Variants in RIMBP2 observed in about 807,000 individuals in gnomAD.
RIMBP2 encodes the protein RIMS-binding protein 2.
A neutral mutation model predicts 118.6 loss-of-function variants in RIMBP2; 48 were observed. That is an observed-to-expected ratio of 0.40 (90% CI 0.32 to 0.51). RIMBP2 has a LOEUF of 0.51. RIMBP2 is among the 20% of genes least tolerant of loss of function. The pLI is 0.41. For missense variants in RIMBP2, 1,551 were observed against 1,768.3 expected (o/e 0.88, Z 2.20); for synonymous variants, 762 against 742.9 (o/e 1.03, Z -0.42).
At chr12:130,586,539 C>T (rs1479346210) in intron 2 of RIMBP2, among the ~76,000 whole-genome samples, 1 of 152,056 alleles carries the variant, frequency 6.6e-6, no homozygotes, top group Admixed American at 6.6e-5. Flanking sequence ...CTACAACCAT[C>T]TGATCTTTGA....
chr12:130,441,007 G>C (rs979743567), intron 11 of RIMBP2, among the ~76,000 whole-genome samples: 1 of 152,158 alleles, frequency 6.6e-6, no homozygotes, highest in Non-Finnish European at 1.5e-5. Flanking sequence ...GGAAAGGAAG[G>C]GGGCACATCA....
Position 130,611,786 on chromosome 12 carries a change from C to T in RIMBP2, c.-217+16536G>A, listed in dbSNP as rs140437221. Among the ~76,000 whole-genome samples, 552 of 152,270 alleles carry T rather than the reference C, an allele frequency of 3.6e-3. 3 individuals are homozygous for T. Among genetic ancestry groups the T allele is most frequent in the Middle Eastern group, 6.8e-3 (2 of 292 alleles). On this transcript the variant is annotated intron_variant, in intron 2 of 22. Coordinates refer to ENST00000690449, the MANE Select transcript of RIMBP2 (RefSeq NM_001393629.1). ...CAGCTCAGGCCCGGCAAGCAGGACA[C>T]GGAACCCATGTCGACCCATGAAACC...
At chr12:130,507,595 C>T (rs149811091) in intron 3 of RIMBP2, among the ~76,000 whole-genome samples, 1 of 152,324 alleles carries the variant, frequency 6.6e-6, no homozygotes, top group Non-Finnish European at 1.5e-5. Flanking sequence ...CATTCTCAGG[C>T]CACAACCCCC....
chr12:130,539,876 A>C lies in RIMBP2; in HGVS notation c.-216-21959T>G, dbSNP rs376794501. ...AGGTGTAGGATATGGCAAATGCAGT[A>C]GATGAGGTGGCGAGGTGTAGGCTAT... On this transcript the variant is annotated intron_variant, in intron 2 of 22. Transcript: ENST00000690449. Among the ~76,000 whole-genome samples the C allele has an allele frequency of 5.1e-4, 59 of 115,208 alleles. 3 individuals are homozygous for C. The highest frequency in any genetic ancestry group is 7.0e-4 in the Non-Finnish European group (40 of 56,752). The allele number at this position is 115,208 out of a possible 152,430, so 75.6% of individuals were successfully genotyped here.
rs1032887422 is a variant in RIMBP2, at chr12:130,422,881, A to AC, written c.3130-321dup. Among the ~76,000 whole-genome samples, 5 of 151,180 alleles carry AC rather than the reference A, an allele frequency of 3.3e-5. No individual in the cohort carries two copies. The highest frequency in any genetic ancestry group is 1.2e-4 in the African/African-American group (5 of 41,076). ...AGAGACAATGGCTTGAATACATCCC[A>AC]CCCCGCCTTGGCTCCTTGGAGCACC... On this transcript the variant is annotated intron_variant, in intron 16 of 22. Coordinates refer to ENST00000690449, the MANE Select transcript of RIMBP2 (RefSeq NM_001393629.1). The surrounding 1 kb of genome is among the most constrained non-coding windows in gnomAD (Gnocchi z 5.2).
At chr12:130,494,309 C>T (rs2048928435) in intron 4 of RIMBP2, among the ~76,000 whole-genome samples, 1 of 152,134 alleles carries the variant, frequency 6.6e-6, no homozygotes. Context: ...CTGCCCCCGC[C>T]TCCACAGTCT....
At chr12:130,584,171 C>G (rs2058679447) in intron 2 of RIMBP2, among the ~76,000 whole-genome samples, 1 of 149,020 alleles carries the variant, frequency 6.7e-6, no homozygotes, top group Non-Finnish European at 1.5e-5. Context: ...TCACCACAAT[C>G]ACATCACCAC....
chr12:130,673,824 C>G (rs1351294600), intron 1 of RIMBP2, among the ~76,000 whole-genome samples: 1 of 152,054 alleles, frequency 6.6e-6, no homozygotes, highest in African/African-American at 2.4e-5. Context: ...GTGTGTAGCA[C>G]TGGGCCAGGC....
intron 1 of RIMBP2, among the ~76,000 whole-genome samples, chr12:130,644,022 G>A (rs1201582436): frequency 2.0e-5 from 3 of 152,192 alleles, no homozygotes; most frequent in Non-Finnish European, 4.4e-5. Flanking sequence ...CACAGCACAT[G>A]CAAAGGCCCT....
rs530951030 is a variant in RIMBP2, at chr12:130,533,301, G to A, written c.-216-15384C>T. On this transcript the variant is annotated intron_variant, in intron 2 of 22. Transcript: ENST00000690449. Reference sequence around the variant, plus strand: ...ACATACAAATGGCCAGCAGGTATACGAAAAAATGCCCATCATCACTAATCA... The same window carrying A: ...ACATACAAATGGCCAGCAGGTATACAAAAAAATGCCCATCATCACTAATCA... Among the ~76,000 whole-genome samples, 3 of 152,240 alleles carry A rather than the reference G, an allele frequency of 2.0e-5. No homozygotes were observed. In the South Asian group the frequency reaches 6.2e-4, roughly 32 times the overall value.
In RIMBP2 at chr12:130,710,829, G is replaced by A. The variant is rs1949864877; in HGVS notation, c.-352+5393C>T. 1.3e-5 allele frequency among the ~76,000 whole-genome samples: 2 copies of A among 152,322 alleles called. No homozygotes were observed. Among genetic ancestry groups the A allele is most frequent in the Admixed American group, 1.3e-4 (2 of 15,308 alleles). ...AATGGACGTCTTCAGGCCTCTCCCT[G>A]CTCTACCTGCTCCTCCACAAGCCCC... On this transcript the variant is annotated intron_variant, in intron 1 of 22. Transcript: ENST00000690449. This position sits in a 1 kb window ranked among gnomAD's most constrained non-coding sequence, Gnocchi z 4.3.
intron 1 of RIMBP2, among the ~76,000 whole-genome samples, chr12:130,685,629 C>G (rs2065003813): frequency 6.6e-6 from 1 of 152,120 alleles, no homozygotes; most frequent in South Asian, 2.1e-4. Flanking sequence ...TGGCTCATGG[C>G]AATGCTGGAG....
chr12:130,624,304 G>A (rs2061493481), intron 2 of RIMBP2, among the ~76,000 whole-genome samples: 1 of 152,230 alleles, frequency 6.6e-6, no homozygotes, highest in South Asian at 2.1e-4. Context: ...TGGTAGAAGA[G>A]TCAAGATACA....
intron 1 of RIMBP2, among the ~76,000 whole-genome samples, chr12:130,629,828 C>T (rs1305183592): frequency 2.0e-5 from 3 of 151,688 alleles, no homozygotes; most frequent in Admixed American, 2.0e-4. Flanking sequence ...CTGACCTCCC[C>T]CAACCTGTCA....
At chr12:130,405,128 C>A (rs2075036016) in intron 21 of RIMBP2, among the ~76,000 whole-genome samples, 1 of 152,040 alleles carries the variant, frequency 6.6e-6, no homozygotes, top group South Asian at 2.1e-4. Flanking sequence ...AGGCATGACC[C>A]CCAAGGCAGA....
rs112138788 is a variant in RIMBP2 at position 130,535,754 on chromosome 12, T to C, written c.-216-17837A>G. On this transcript the variant is annotated intron_variant, in intron 2 of 22. Transcript: ENST00000690449. ...ATATATATACATATATATATATATA[T>C]ATATATATATATATATATATATATA... Among the ~76,000 whole-genome samples the C allele has an allele frequency of 2.2e-3, 83 of 37,886 alleles. 1 individual carries two copies. The highest frequency in any genetic ancestry group is 4.5e-3 in the African/African-American group (63 of 13,986). The allele number at this position is 37,886 out of a possible 152,430, so 24.9% of individuals were successfully genotyped here.
chr12:130,667,085 AGGGAGGG>A (rs2063969966), intron 1 of RIMBP2, among the ~76,000 whole-genome samples: 1 of 54,550 alleles, frequency 1.8e-5, no homozygotes, highest in African/African-American at 7.4e-5. Flanking sequence ...GGAAAAAATG[AGGGAGGG>A]AGGATGGGAG....
At chr12:130,645,766 T>G (rs2062843075) in intron 1 of RIMBP2, among the ~76,000 whole-genome samples, 1 of 152,200 alleles carries the variant, frequency 6.6e-6, no homozygotes, top group South Asian at 2.1e-4. Flanking sequence ...ACTTTCAGGT[T>G]ATTTAAACTT....
At chr12:130,412,596 G>T in intron 19 of RIMBP2, 23 bp downstream of exon 19, 2 of 1,607,850 alleles carry the variant, frequency 1.2e-6, no homozygotes, top group Non-Finnish European at 1.7e-6. Flanking sequence ...CACAGGGAAG[G>T]TCGAATAGGG....
Sources: gnomAD v4.1 joint callset for allele counts (sites outside exome capture counted in the v4.1 genomes callset) on GRCh38, gnomAD v4.1.1 for gene constraint, Gnocchi (gnomAD v3.1) non-coding constraint, MANE v1.5 for transcripts, NCBI Gene and HGNC (gene_info 2026-07-23, HGNC 2026-07-21) for gene names.